The following TOM1L2 variants were observed in gnomAD, a reference collection of about 807,000 sequenced individuals.
The protein encoded by TOM1L2 is TOM1-like protein 2.
A neutral mutation model predicts 67.9 loss-of-function variants in TOM1L2; 31 were observed. The observed-to-expected ratio is 0.46, with a 90% confidence interval of 0.34 to 0.62. The LOEUF (loss-of-function observed/expected upper bound fraction) is 0.62. Ranked by LOEUF, TOM1L2 falls within the 20% of genes least tolerant of loss-of-function variation. TOM1L2 has a pLI of 0.01. For missense variants in TOM1L2, 606 were observed against 663.5 expected (o/e 0.91, Z 0.95); for synonymous variants, 256 against 254.0 (o/e 1.01, Z -0.07).
intron 1 of TOM1L2, among the ~76,000 whole-genome samples, chr17:17,911,109 G>T (rs1438125900): frequency 6.6e-6 from 1 of 152,186 alleles, no homozygotes; most frequent in Non-Finnish European, 1.5e-5. Flanking sequence ...AACATAGGAG[G>T]GTGGGTGGGC....
chr17:17,967,099 C>T (rs777114761), intron 1 of TOM1L2, among the ~76,000 whole-genome samples: 11 of 152,126 alleles, frequency 7.2e-5, no homozygotes, highest in African/African-American at 2.7e-4. Flanking sequence ...TCTAGAGAAC[C>T]CTAATACACA....
chr17:17,911,807 C>A (rs992989113), intron 1 of TOM1L2, among the ~76,000 whole-genome samples: 6 of 146,878 alleles, frequency 4.1e-5, no homozygotes, highest in East Asian at 3.9e-4. Context: ...TGCGGCCTTC[C>A]GCAGTGTTTG....
In TOM1L2 at chr17:17,847,895, C is replaced by T; in HGVS notation, c.1376-112G>A. 2.1e-6 allele frequency: 3 copies of T among 1,455,528 alleles called. No homozygotes were observed. The South Asian group carries it at 3.5e-5, about 17-fold the overall frequency. 90.2% of individuals were successfully genotyped at this position (1,455,528 alleles called of 1,614,324 possible). ...TCCTCTAGGGCAGGCATGAAGCCCA[C>T]CTAGGAGCAGGTGGGTAGGGAGGGG... is the stretch of plus-strand genomic sequence containing the variant. On this transcript the variant is annotated intron_variant, in intron 14 of 14. Transcript: ENST00000379504.
At chr17:17,875,524 C>T (rs894197709) in intron 7 of TOM1L2, among the ~76,000 whole-genome samples, 4 of 152,328 alleles carry the variant, frequency 2.6e-5, no homozygotes, top group Admixed American at 2.6e-4. Flanking sequence ...TGTGCAACAG[C>T]CAGGACAGGA....
chr17:17,970,525 T>C (rs999018029), intron 1 of TOM1L2, among the ~76,000 whole-genome samples: 1 of 152,176 alleles, frequency 6.6e-6, no homozygotes, highest in Admixed American at 6.5e-5. Context: ...TTTTGGAGTG[T>C]GGCTGCCATG....
intron 3 of TOM1L2, among the ~76,000 whole-genome samples, chr17:17,894,615 T>C (rs768643173): frequency 1.3e-5 from 2 of 152,312 alleles, no homozygotes; most frequent in South Asian, 2.1e-4. Context: ...TGCAAGATTG[T>C]TGGAAAGATT....
chr17:17,861,656 A>G, intron 11 of TOM1L2, 105 bp from the exon 12 acceptor site: 6 of 963,956 alleles, frequency 6.2e-6, no homozygotes, highest in East Asian at 2.5e-5. Flanking sequence ...CCTTCCTCAG[A>G]TGTCCTTGGA....
At chr17:17,913,988 C>A (rs1435832536) in intron 1 of TOM1L2, among the ~76,000 whole-genome samples, 2 of 152,206 alleles carry the variant, frequency 1.3e-5, no homozygotes, top group Non-Finnish European at 2.9e-5. Flanking sequence ...CCCTAGCCAG[C>A]TGGCCTCTCC....
At chr17:17,853,801 C>G (rs2036122917) in intron 12 of TOM1L2, among the ~76,000 whole-genome samples, 1 of 152,210 alleles carries the variant, frequency 6.6e-6, no homozygotes, top group African/African-American at 2.4e-5. Flanking sequence ...TCCTAAGAAG[C>G]CTTAGAGATT....
chr17:17,847,588 G>A lies in TOM1L2; in HGVS notation c.*47C>T. ...AGTGGCCAGTGCCCGGTGTCCACGG[G>A]GTGCGAGCGGGGACCCGCCATCTGG... is the stretch of plus-strand genomic sequence containing the variant. On this transcript the variant is annotated 3_prime_UTR_variant, in exon 15 of 15. Coordinates refer to ENST00000379504, the MANE Select transcript of TOM1L2 (RefSeq NM_001082968.2). The A allele has an allele frequency of 1.3e-6, 2 of 1,561,160 alleles. No individual in the cohort carries two copies. The highest frequency in any genetic ancestry group is 1.4e-5 in the African/African-American group (1 of 74,024).
intron 1 of TOM1L2, among the ~76,000 whole-genome samples, chr17:17,916,157 TCTACCTCCTGGGTTCACG>T (rs2039621386): frequency 1.3e-5 from 2 of 151,442 alleles, no homozygotes; most frequent in African/African-American, 4.9e-5. Flanking sequence ...CACTGCAAGC[TCTACCTCCTGGGTTCACG>T]CCCTTCTCCT....
chr17:17,965,674 T>G (rs2145062399), intron 1 of TOM1L2, among the ~76,000 whole-genome samples: 1 of 152,322 alleles, frequency 6.6e-6, no homozygotes, highest in South Asian at 2.1e-4. Flanking sequence ...GGTTCCATAC[T>G]TTCTCATTGT....
At chr17:17,906,147 G>C (rs1323768050) in intron 2 of TOM1L2, among the ~76,000 whole-genome samples, 3 of 111,960 alleles carry the variant, frequency 2.7e-5, no homozygotes, top group Admixed American at 9.2e-5. Flanking sequence ...TTTTTTTTTT[G>C]AGACAGGGTT....
At chr17:17,851,044 C>T in intron 12 of TOM1L2, 92 bp from the exon 13 acceptor site, 2 of 1,474,740 alleles carry the variant, frequency 1.4e-6, no homozygotes, top group Non-Finnish European at 9.4e-7. Context: ...TCAACAGCAA[C>T]CCCAAATAAA....
At chr17:17,970,426 G>A (rs1363118339) in intron 1 of TOM1L2, among the ~76,000 whole-genome samples, 1 of 152,108 alleles carries the variant, frequency 6.6e-6, no homozygotes, top group East Asian at 1.9e-4. Context: ...CATTTTAAAG[G>A]TGTAGAGCTT....
chr17:17,880,184 G>A (rs1290398577), intron 6 of TOM1L2, among the ~76,000 whole-genome samples: 2 of 152,210 alleles, frequency 1.3e-5, no homozygotes, highest in African/African-American at 4.8e-5. Flanking sequence ...AAAGCTCTGA[G>A]TTATAGACTC....
At chr17:17,894,830 C>CT (rs2038472055) in intron 3 of TOM1L2, among the ~76,000 whole-genome samples, 2 of 152,166 alleles carry the variant, frequency 1.3e-5, no homozygotes, top group South Asian at 4.1e-4. Flanking sequence ...ACTTGGGAGG[C>CT]TGAGGCAGGA....
In TOM1L2 at chr17:17,843,527, T is replaced by C. The variant is rs1389528871; in HGVS notation, c.*4108A>G. On this transcript the variant is annotated 3_prime_UTR_variant, in exon 15 of 15. Coordinates refer to ENST00000379504, the MANE Select transcript of TOM1L2 (RefSeq NM_001082968.2). ...CAGGCATAATTTGTTCAATTATTTA[T>C]TTATTGTGGAGTATTTTACATGCAA... 7.2e-5 allele frequency: 11 copies of C among 152,192 alleles called. No individual in the cohort carries two copies. The highest frequency in any genetic ancestry group is 7.2e-4 in the Admixed American group (11 of 15,278). 9.4% of individuals were successfully genotyped at this position (152,192 alleles called of 1,614,324 possible).
intron 1 of TOM1L2, among the ~76,000 whole-genome samples, chr17:17,956,610 T>C (rs1031906322): frequency 1.3e-5 from 2 of 152,120 alleles, no homozygotes; most frequent in African/African-American, 4.8e-5. Flanking sequence ...TCAGGCATGG[T>C]GAGCTGCAGG....
Sources: gnomAD v4.1 joint callset for allele counts (sites outside exome capture counted in the v4.1 genomes callset) on GRCh38, gnomAD v4.1.1 for gene constraint, MANE v1.5 for transcripts, NCBI Gene and HGNC (gene_info 2026-07-23, HGNC 2026-07-21) for gene names.